Variants in LURAP1L observed in about 807,000 individuals in gnomAD.
LURAP1L encodes the protein leucine rich adaptor protein 1 like.
LURAP1L carries 12 observed loss-of-function variants against 13.8 expected under a neutral mutation model. The observed-to-expected ratio is 0.87, with a 90% CI of 0.56 to 1.41. The LOEUF (loss-of-function observed/expected upper bound fraction) is 1.41. Ranked by LOEUF, LURAP1L falls within the 40% of genes most tolerant of loss-of-function variation. LURAP1L has a pLI of 0.00. For synonymous variants in LURAP1L, 139 were observed against 119.2 expected (o/e 1.17, Z -1.08); for missense variants, 375 against 292.9 (o/e 1.28, Z -2.04).
Position 12,786,547 on chromosome 9 carries a change from C to CTATATATATATAT in LURAP1L, c.312+10520_312+10521insTATATATATATAT, listed in dbSNP as rs1554657226. Among the ~76,000 whole-genome samples, 370 of 53,008 alleles carry CTATATATATATAT rather than the reference C, an allele frequency of 7.0e-3. 12 individuals carry two copies. The highest frequency in any genetic ancestry group is 0.015 in the Admixed American group (71 of 4,590). 34.8% of individuals were successfully genotyped at this position (53,008 alleles called of 152,430 possible). A position where few individuals can be genotyped will look rare whatever the true frequency, so the allele number is the denominator to read the frequency against. The stretch of plus-strand genomic sequence containing the variant: ...AAATGGCTAACATGTATATATATGA[C>CTATATATATATAT]ATATATATATATATATATATATATA... On this transcript the variant is annotated intron_variant, in intron 1 of 1. Transcript: ENST00000319264.
chr9:12,788,226 C>T (rs1046481707), intron 1 of LURAP1L, among the ~76,000 whole-genome samples: 45 of 145,236 alleles, frequency 3.1e-4, no homozygotes, highest in South Asian at 2.2e-4. Flanking sequence ...ATGTGTTTCT[C>T]ATAGGTTTGT....
chr9:12,782,168 G>T (rs1403195975), intron 1 of LURAP1L, among the ~76,000 whole-genome samples: 1 of 152,178 alleles, frequency 6.6e-6, no homozygotes, highest in Non-Finnish European at 1.5e-5. Flanking sequence ...TTCCTTGTCA[G>T]ATGGGTAGTT....
intron 1 of LURAP1L, among the ~76,000 whole-genome samples, chr9:12,806,531 C>T (rs944650900): frequency 3.9e-5 from 6 of 152,088 alleles, no homozygotes; most frequent in South Asian, 4.1e-4. Flanking sequence ...TTAAATAATG[C>T]TTTGATGGCT....
At chr9:12,779,052 C>A (rs1046315198) in intron 1 of LURAP1L, among the ~76,000 whole-genome samples, 1 of 152,064 alleles carries the variant, frequency 6.6e-6, no homozygotes, top group African/African-American at 2.4e-5. Context: ...CAGTGTATTG[C>A]TATGTGAATG....
chr9:12,780,008 G>A (rs1171259208), intron 1 of LURAP1L, among the ~76,000 whole-genome samples: 2 of 152,124 alleles, frequency 1.3e-5, no homozygotes, highest in African/African-American at 2.4e-5. Flanking sequence ...ACTGCCATGA[G>A]CAGTTAAAGG....
chr9:12,822,001 G>A lies in LURAP1L; in HGVS notation c.*241G>A, dbSNP rs556027626. The A allele has an allele frequency of 9.7e-6, 4 of 412,414 alleles. No individual in the cohort carries two copies. Among genetic ancestry groups the A allele is most frequent in the East Asian group, 7.6e-5 (2 of 26,384 alleles). The allele number at this position is 412,414 out of a possible 1,614,324, so 25.5% of individuals were successfully genotyped here. On this transcript the variant is annotated 3_prime_UTR_variant, in exon 2 of 2. Transcript: ENST00000319264. Reference sequence around the variant, plus strand: ...TGATTTTCTCCCTTCTTTTACAGTAGCACAAACAAAGTAGGGGGAAAAGAA... The same window carrying A: ...TGATTTTCTCCCTTCTTTTACAGTAACACAAACAAAGTAGGGGGAAAAGAA...
intron 1 of LURAP1L, among the ~76,000 whole-genome samples, chr9:12,801,121 G>T (rs1038553808): frequency 3.3e-5 from 5 of 151,916 alleles, no homozygotes; most frequent in Admixed American, 1.3e-4. Flanking sequence ...ATTACCTTTG[G>T]TGCAAAAATA....
At chr9:12,820,835 T>C (rs1009009353) in intron 1 of LURAP1L, among the ~76,000 whole-genome samples, 8 of 152,136 alleles carry the variant, frequency 5.3e-5, no homozygotes, top group Non-Finnish European at 1.0e-4. Flanking sequence ...TCTTTCTTCA[T>C]GTGTAAAATG....
At chr9:12,784,320 G>A (rs1231525083) in intron 1 of LURAP1L, among the ~76,000 whole-genome samples, 1 of 152,166 alleles carries the variant, frequency 6.6e-6, no homozygotes, top group Non-Finnish European at 1.5e-5. Flanking sequence ...GTCTGGGCTT[G>A]CTTGTACCTG....
At chr9:12,821,343 G>A in intron 1 of LURAP1L, 43 bp from the exon 2 acceptor site, 20 of 1,579,202 alleles carry the variant, frequency 1.3e-5, no homozygotes, top group Non-Finnish European at 1.7e-5. Flanking sequence ...CCTTTCGAGA[G>A]TGTAAAATGG....
At chr9:12,780,777 C>A (rs1274088607) in intron 1 of LURAP1L, among the ~76,000 whole-genome samples, 1 of 151,606 alleles carries the variant, frequency 6.6e-6, no homozygotes, top group Non-Finnish European at 1.5e-5. Flanking sequence ...CATTGTAAAA[C>A]TTCCAATAAT....
chr9:12,809,454 T>C (rs977271717), intron 1 of LURAP1L, among the ~76,000 whole-genome samples: 3 of 152,230 alleles, frequency 2.0e-5, no homozygotes, highest in African/African-American at 7.2e-5. Flanking sequence ...GTGTTTTTGA[T>C]TTCTTGCATT....
At chr9:12,818,570 T>C (rs925362872) in intron 1 of LURAP1L, among the ~76,000 whole-genome samples, 10 of 151,078 alleles carry the variant, frequency 6.6e-5, no homozygotes, top group African/African-American at 2.4e-4. Flanking sequence ...AGTACAAAGT[T>C]AAGCTATGTT....
At chr9:12,802,852 G>A (rs951077706) in intron 1 of LURAP1L, among the ~76,000 whole-genome samples, 2 of 152,048 alleles carry the variant, frequency 1.3e-5, no homozygotes, top group African/African-American at 4.8e-5. Context: ...TGCTCCCCTG[G>A]TTGTCTTGTC....
chr9:12,784,749 C>A (rs1213648489), intron 1 of LURAP1L, among the ~76,000 whole-genome samples: 5 of 150,966 alleles, frequency 3.3e-5, no homozygotes. Flanking sequence ...GGTGGTGAAT[C>A]ATTCTAAACT....
At chr9:12,811,907 C>T (rs986416369) in intron 1 of LURAP1L, among the ~76,000 whole-genome samples, 14 of 152,166 alleles carry the variant, frequency 9.2e-5, no homozygotes, top group Non-Finnish European at 2.9e-5. Flanking sequence ...CATCTCAAGG[C>T]TCGATCCAGG....
rs1372479708 is a variant in LURAP1L at position 12,793,299 on chromosome 9, A to G, written c.312+17272A>G. ...AATGAAATCTAGATTTTCTATACCAATATGTTTAATATAAAACAACCATTT... is the reference window on the plus strand; with the variant it reads ...AATGAAATCTAGATTTTCTATACCAGTATGTTTAATATAAAACAACCATTT... On this transcript the variant is annotated intron_variant, in intron 1 of 1. Transcript: ENST00000319264. Among the ~76,000 whole-genome samples the G allele has an allele frequency of 2.0e-5, 3 of 152,034 alleles. No individual in the cohort carries two copies. The East Asian group carries it at 5.8e-4, about 29-fold the overall frequency.
chr9:12,807,113 A>ATATATATATATATATATATG (rs1554658960), intron 1 of LURAP1L, among the ~76,000 whole-genome samples: 1 of 139,386 alleles, frequency 7.2e-6, no homozygotes, highest in Non-Finnish European at 1.5e-5. Flanking sequence ...ATATATATAT[A>ATATATATATATATATATATG]TATATTAGCC....
intron 1 of LURAP1L, among the ~76,000 whole-genome samples, chr9:12,798,122 T>C (rs1819533663): frequency 6.6e-6 from 1 of 152,164 alleles, no homozygotes; most frequent in South Asian, 2.1e-4. Context: ...TAATTTAGTA[T>C]AAAATTGTAA....
Sources: allele counts gnomAD v4.1 joint callset (sites outside exome capture counted in the v4.1 genomes callset), GRCh38; gene constraint gnomAD v4.1.1; transcripts MANE v1.5; gene names NCBI Gene and HGNC (gene_info 2026-07-23, HGNC 2026-07-21).